The following NINL variants were observed in gnomAD, a reference collection of about 807,000 sequenced individuals.
NINL encodes the protein ninein like.
Under a neutral mutation model 160.3 loss-of-function variants are expected in NINL, and 153 were observed. That is an observed-to-expected ratio of 0.95 (90% confidence interval 0.84 to 1.09). The LOEUF (loss-of-function observed/expected upper bound fraction) is 1.09, where lower values mean the gene tolerates loss of function less well. Ranked by LOEUF, NINL falls within the 50% of genes least tolerant of loss-of-function variation. The pLI, the probability that NINL is intolerant of heterozygous loss-of-function variation, is 0.00. For missense variants in NINL, 1,829 were observed against 1,764.0 expected (o/e 1.04, Z -0.66); for synonymous variants, 800 against 734.8 (o/e 1.09, Z -1.43).
rs2063931521 is a variant in NINL, at chr20:25,504,840, T to G, written c.708+48A>C. On this transcript the variant is annotated intron_variant, in intron 6 of 23. Transcript: ENST00000278886. ...GGTTTCCAGACCCAACACTAAACCG[T>G]GACCATGGCCAGGAATATGTGGCTG... 1.0e-5 allele frequency: 16 copies of G among 1,595,320 alleles called. No homozygotes were observed. In the East Asian group the frequency reaches 3.6e-4, roughly 36 times the overall value.
chr20:25,498,422 A>T lies in NINL; in HGVS notation c.1033-76T>A, dbSNP rs400357. On this transcript the variant is annotated intron_variant, in intron 8 of 23. Coordinates refer to ENST00000278886, the MANE Select transcript of NINL (RefSeq NM_025176.6). ...CAGACACCTCTTTGCTCCCTCCCTG[A>T]TCCAGGGCCTAGCCCAGCATGGCTG... 6,143 of 1,564,160 alleles carry T rather than the reference A, an allele frequency of 3.9e-3. 212 individuals carry two copies. The African/African-American group carries it at 0.071, about 18-fold the overall frequency.
At chr20:25,474,948 A>C (rs1324420236) in intron 17 of NINL, among the ~76,000 whole-genome samples, 1 of 151,360 alleles carries the variant, frequency 6.6e-6, no homozygotes, top group East Asian at 2.0e-4. Context: ...CCACCACACT[A>C]ATTTTTGTAT....
rs2063814327 is a variant in NINL at position 25,498,996 on chromosome 20, T to A, written c.1033-650A>T. 1.4e-5 allele frequency: 14 copies of A among 985,368 alleles called. No homozygotes were observed. In the South Asian group the frequency reaches 4.7e-4, roughly 33 times the overall value. 61.0% of individuals were successfully genotyped at this position (985,368 alleles called of 1,614,324 possible). On this transcript the variant is annotated intron_variant, in intron 8 of 23. Transcript: ENST00000278886. ...GCGGCAGCTAACGTTCTGTCGTGTT[T>A]GCTTTTTCCGCCTTGGGTATTCCTG...
chr20:25,528,098 T>C (rs1035374631), intron 1 of NINL, among the ~76,000 whole-genome samples: 1 of 152,198 alleles, frequency 6.6e-6, no homozygotes, highest in African/African-American at 2.4e-5. Context: ...GGCACAATCA[T>C]AGCTCACTGT....
At chr20:25,455,849 T>A in intron 22 of NINL, 63 bp from the exon 23 acceptor site, 4 of 1,377,032 alleles carry the variant, frequency 2.9e-6, no homozygotes, top group Non-Finnish European at 4.1e-6. Flanking sequence ...TCCCAGCACT[T>A]TGGGAGGCCG....
At chr20:25,490,495 G>T (rs1273703163) in intron 11 of NINL, among the ~76,000 whole-genome samples, 1 of 151,566 alleles carries the variant, frequency 6.6e-6, no homozygotes, top group Non-Finnish European at 1.5e-5. Flanking sequence ...GGGAGGCGGG[G>T]CTTGCAGTGA....
At position 25,467,469 on chromosome 20, in the gene NINL, A is replaced by G; in HGVS notation, c.3354-11T>C. On this transcript the variant is annotated splice_polypyrimidine_tract_variant and intron_variant, in intron 18 of 23. Transcript: ENST00000278886. ...ACCTCAATTTCCTTCCTGTTGAAGA[A>G]GCACAATTAACAGTGATACCACTTG... 3.7e-6 allele frequency: 6 copies of G among 1,610,312 alleles called. No individual in the cohort carries two copies. Among genetic ancestry groups the G allele is most frequent in the Non-Finnish European group, 5.1e-6 (6 of 1,176,472 alleles).
chr20:25,496,564 C>T, intron 10 of NINL, 99 bp downstream of exon 10: 1 of 1,440,992 alleles, frequency 6.9e-7, no homozygotes, highest in South Asian at 1.3e-5. Flanking sequence ...CTGAGCCACA[C>T]CCGCAGCTCT....
chr20:25,572,531 C>T (rs2065065946), intron 1 of NINL, among the ~76,000 whole-genome samples: 1 of 152,148 alleles, frequency 6.6e-6, no homozygotes, highest in Non-Finnish European at 1.5e-5. Context: ...ACTATTATTA[C>T]CCATTTTACA....
Position 25,476,818 on chromosome 20 carries a change from C to T in NINL, c.2473G>A (p.Glu825Lys), listed in dbSNP as rs934046783. The change falls in exon 17 of 24, where the codon GAG becomes AAG. Residue 825 changes from glutamate to lysine, a missense_variant. By Grantham distance (56) the Glu-to-Lys change is moderately conservative. Transcript: ENST00000278886. ...CCATCTTTCGGCAGGGCCTGCATCT[C>T]TGCTTCCAGGGAGGGCCCGTCCACT... ...KRVDGPSLEAEMQALPKDGLV... is the reference protein window; with the variant it reads ...KRVDGPSLEAKMQALPKDGLV... 6.2e-7 allele frequency: 1 copy of T among 1,613,228 alleles called. No individual in the cohort carries two copies. The highest frequency in any genetic ancestry group is 1.1e-5 in the South Asian group (1 of 91,082).
At chr20:25,519,989 C>CAAAAAAAAA (rs59160061) in intron 2 of NINL, among the ~76,000 whole-genome samples, 2 of 12,126 alleles carry the variant, frequency 1.6e-4, no homozygotes, top group Non-Finnish European at 4.1e-4. Context: ...GACCCCGTCT[C>CAAAAAAAAA]AAAAAAAAAA....
At chr20:25,454,681 G>A (rs933865465) in intron 23 of NINL, among the ~76,000 whole-genome samples, 48 of 152,248 alleles carry the variant, frequency 3.2e-4, no homozygotes, top group African/African-American at 1.0e-3. Flanking sequence ...AATGTGGTCC[G>A]TGGCCGGGCC....
chr20:25,479,247 A>G, intron 15 of NINL, 41 bp from the exon 16 acceptor site: 1 of 1,553,510 alleles, frequency 6.4e-7, no homozygotes, highest in South Asian at 1.2e-5. Flanking sequence ...AGGAGACCCT[A>G]AGAATGATCT....
intron 4 of NINL, among the ~76,000 whole-genome samples, chr20:25,511,570 T>C (rs577051686): frequency 6.6e-6 from 1 of 152,170 alleles, no homozygotes; most frequent in African/African-American, 2.4e-5. Context: ...CCCATTTTTT[T>C]AATGAGTTCA....
intron 16 of NINL, among the ~76,000 whole-genome samples, chr20:25,477,388 C>A (rs2063284846): frequency 6.6e-6 from 1 of 152,218 alleles, no homozygotes; most frequent in East Asian, 1.9e-4. Context: ...GGTTGCAGCC[C>A]CTCGGCCGTG....
At chr20:25,519,942 T>G (rs1021760025) in intron 2 of NINL, among the ~76,000 whole-genome samples, 1 of 120,420 alleles carries the variant, frequency 8.3e-6, no homozygotes, top group Non-Finnish European at 1.6e-5. Flanking sequence ...AGGTCGAGGC[T>G]ACAGTGAGCC....
In NINL at chr20:25,489,332, G is replaced by A. The variant is rs1334106635; in HGVS notation, c.1597-8C>T. ...TGCACTCTGTGGCTCCAGCTGAAAGGCAGACACAAAGGAAGTCACGGGTGG... is the reference window on the plus strand; with the variant it reads ...TGCACTCTGTGGCTCCAGCTGAAAGACAGACACAAAGGAAGTCACGGGTGG... On this transcript the variant is annotated splice_polypyrimidine_tract_variant and splice_region_variant and intron_variant, in intron 12 of 23. Coordinates refer to ENST00000278886, the MANE Select transcript of NINL (RefSeq NM_025176.6). The A allele has an allele frequency of 6.2e-6, 10 of 1,613,182 alleles. No homozygotes were observed. The highest frequency in any genetic ancestry group is 1.7e-5 in the Admixed American group (1 of 60,022).
chr20:25,517,103 C>G (rs1197832308), intron 3 of NINL, among the ~76,000 whole-genome samples: 1 of 152,052 alleles, frequency 6.6e-6, no homozygotes, highest in African/African-American at 2.4e-5. Context: ...TGAGCCTGGT[C>G]CCTTCCGCTT....
Position 25,496,686 on chromosome 20 carries a change from C to CT in NINL, c.1286dup (p.Gln430AlafsTer24). On this transcript the variant is annotated frameshift_variant, in exon 10 of 24. Coordinates refer to ENST00000278886, the MANE Select transcript of NINL (RefSeq NM_025176.6). LOFTEE classifies it high-confidence loss of function. ...ACTTGATTTTCTTCTCCGTGAGCTGCTCCAGGGTGGAGTGGCAGTCGTCCA... is the reference window on the plus strand; with the variant it reads ...ACTTGATTTTCTTCTCCGTGAGCTGCTTCCAGGGTGGAGTGGCAGTCGTCCA... The CT allele has an allele frequency of 6.2e-6, 10 of 1,614,114 alleles. No homozygotes were observed. The highest frequency in any genetic ancestry group is 7.6e-6 in the Non-Finnish European group (9 of 1,180,016).
Sources: gnomAD v4.1 joint callset for allele counts (sites outside exome capture counted in the v4.1 genomes callset) on GRCh38, gnomAD v4.1.1 for gene constraint, MANE v1.5 for transcripts, NCBI Gene and HGNC (gene_info 2026-07-23, HGNC 2026-07-21) for gene names.